Variants in ANKRD30BL observed in about 807,000 individuals in gnomAD.
ANKRD30BL encodes the protein ankyrin repeat domain 30B like.
In ANKRD30BL, 20 loss-of-function variants were observed where a neutral mutation model predicts 18.4. That is an observed-to-expected ratio of 1.09 (90% CI 0.77 to 1.58). ANKRD30BL has a LOEUF of 1.58. Among genes scored for constraint, ANKRD30BL ranks in the 40% most tolerant of loss-of-function variants. The probability of loss-of-function intolerance (pLI) is 0.00; values close to 1 mark genes in which losing one functional copy is unlikely to be tolerated. For missense variants in ANKRD30BL, 224 were observed against 268.6 expected, an observed-to-expected ratio of 0.83 and a Z score of 1.16; for synonymous variants, 72 against 100.9, an observed-to-expected ratio of 0.71 and a Z score of 1.72.
chr2:132,250,559 G>T (rs565868298), intron 1 of ANKRD30BL, among the ~76,000 whole-genome samples: 3 of 152,324 alleles, frequency 2.0e-5, no homozygotes, highest in South Asian at 4.1e-4. Flanking sequence ...AGATGATCTA[G>T]CTCACTTTAT....
At chr2:132,241,756 A>G (rs2104796018) in intron 1 of ANKRD30BL, among the ~76,000 whole-genome samples, 1 of 151,970 alleles carries the variant, frequency 6.6e-6, no homozygotes, top group South Asian at 2.1e-4. Flanking sequence ...ACAGAGTTGA[A>G]TTTTTCTTTT....
chr2:132,254,550 A>T (rs1680768355), intron 1 of ANKRD30BL, among the ~76,000 whole-genome samples: 1 of 152,176 alleles, frequency 6.6e-6, no homozygotes, highest in Non-Finnish European at 1.5e-5. Flanking sequence ...CAAGCTTATG[A>T]CCAGCACTTA....
chr2:132,188,641 T>G (rs1573826102), intron 1 of ANKRD30BL, among the ~76,000 whole-genome samples: 1 of 151,650 alleles, frequency 6.6e-6, no homozygotes, highest in African/African-American at 2.4e-5. Flanking sequence ...ACCCGGGAGG[T>G]GGAGCTTGTA....
intron 1 of ANKRD30BL, among the ~76,000 whole-genome samples, chr2:132,220,496 T>G (rs1316875192): frequency 6.6e-6 from 1 of 151,954 alleles, no homozygotes; most frequent in African/African-American, 2.4e-5. Flanking sequence ...GCCGAGTGCC[T>G]GTGATTGCAG....
At chr2:132,244,959 C>A (rs879214191) in intron 1 of ANKRD30BL, among the ~76,000 whole-genome samples, 2 of 152,286 alleles carry the variant, frequency 1.3e-5, no homozygotes, top group East Asian at 1.9e-4. Flanking sequence ...GAAGCATTCT[C>A]AGAAACTTCT....
intron 1 of ANKRD30BL, among the ~76,000 whole-genome samples, chr2:132,254,335 G>A (rs1053803780): frequency 1.8e-4 from 28 of 152,154 alleles, no homozygotes; most frequent in Admixed American, 3.9e-4. Context: ...CCGTGGCTTC[G>A]CTCTTCTCTG....
chr2:132,236,440 C>T (rs906430373), intron 1 of ANKRD30BL, among the ~76,000 whole-genome samples: 6 of 152,018 alleles, frequency 3.9e-5, no homozygotes, highest in Non-Finnish European at 7.4e-5. Flanking sequence ...AAAAAACAAA[C>T]AACCCCATCA....
At chr2:132,236,356 C>G (rs1331076283) in intron 1 of ANKRD30BL, among the ~76,000 whole-genome samples, 1 of 151,236 alleles carries the variant, frequency 6.6e-6, no homozygotes. Flanking sequence ...AATGGGAGAA[C>G]ATTTTTGCAA....
At chr2:132,198,323 T>TCTTTCTTTCTTTCTTTCTTTC (rs1679015443) in intron 1 of ANKRD30BL, among the ~76,000 whole-genome samples, 1 of 8,084 alleles carries the variant, frequency 1.2e-4, no homozygotes, top group Non-Finnish European at 4.0e-4. Flanking sequence ...TTTCTTTCTT[T>TCTTTCTTTCTTTCTTTCTTTC]CTTTTTTTTT....
intron 1 of ANKRD30BL, among the ~76,000 whole-genome samples, chr2:132,206,727 A>G (rs1434733377): frequency 6.6e-6 from 1 of 152,228 alleles, no homozygotes; most frequent in Non-Finnish European, 1.5e-5. Context: ...ATCTGCTGTG[A>G]CAAAGTGGTT....
chr2:132,235,027 T>G (rs1044197600), intron 1 of ANKRD30BL, among the ~76,000 whole-genome samples: 1 of 152,134 alleles, frequency 6.6e-6, no homozygotes, highest in African/African-American at 2.4e-5. Context: ...CAAGGCTGGT[T>G]CAATATACGC....
intron 1 of ANKRD30BL, among the ~76,000 whole-genome samples, chr2:132,252,687 T>C (rs1364618492): frequency 1.3e-5 from 2 of 151,368 alleles, no homozygotes; most frequent in Admixed American, 6.6e-5. Flanking sequence ...TCCCCCACCC[T>C]CTCCCCGGTG....
rs903300183 is a variant in ANKRD30BL at position 132,242,428 on chromosome 2, G to A, written n.441+15101C>T. ...ACATCTCTATGATGTTTGCATTCAA[G>A]TCACAGAGTTGAACATTCCCTTTCA... is the stretch of plus-strand genomic sequence containing the variant. On this transcript the variant is annotated intron_variant and non_coding_transcript_variant, in intron 1 of 4. Transcript: ENST00000470729. 2.0e-5 allele frequency among the ~76,000 whole-genome samples: 3 copies of A among 151,470 alleles called. No homozygotes were observed. In the Admixed American group the frequency reaches 2.0e-4, roughly 10 times the overall value.
At chr2:132,253,958 G>C (rs1207119061) in intron 1 of ANKRD30BL, among the ~76,000 whole-genome samples, 1 of 151,980 alleles carries the variant, frequency 6.6e-6, no homozygotes, top group South Asian at 2.1e-4. Flanking sequence ...GCCCCAAAGG[G>C]AGTGGGCAGG....
At chr2:132,241,336 G>A (rs1442875038) in intron 1 of ANKRD30BL, among the ~76,000 whole-genome samples, 1 of 151,508 alleles carries the variant, frequency 6.6e-6, no homozygotes, top group Non-Finnish European at 1.5e-5. Flanking sequence ...TGTTGGAAAC[G>A]GGTATATCTT....
chr2:132,234,209 C>A (rs1680092976), intron 1 of ANKRD30BL, among the ~76,000 whole-genome samples: 1 of 152,086 alleles, frequency 6.6e-6, no homozygotes, highest in Non-Finnish European at 1.5e-5. Flanking sequence ...AAATTTATAG[C>A]ACTAAATGCC....
upstream of ANKRD30BL, among the ~76,000 whole-genome samples, chr2:132,162,312 G>A (rs113850491): frequency 5.0e-3 from 769 of 152,342 alleles, 3 homozygotes; most frequent in Non-Finnish European, 8.5e-3. Flanking sequence ...GGCGCTGGCA[G>A]GGTCAGGGTT....
chr2:132,177,151 C>T (rs1688379302), intron 1 of ANKRD30BL, among the ~76,000 whole-genome samples: 1 of 150,548 alleles, frequency 6.6e-6, no homozygotes, highest in Admixed American at 6.6e-5. Flanking sequence ...CCAGATGTGC[C>T]TATTTTTTTT....
chr2:132,247,682 GT>G (rs1680541251), intron 1 of ANKRD30BL, among the ~76,000 whole-genome samples: 1 of 150,196 alleles, frequency 6.7e-6, no homozygotes, highest in African/African-American at 2.5e-5. Context: ...CAAAAGAAAA[GT>G]TCTACTCTGT....
Sources: gnomAD v4.1 joint callset for allele counts (sites outside exome capture counted in the v4.1 genomes callset) on GRCh38, gnomAD v4.1.1 for gene constraint, MANE v1.5 for transcripts, NCBI Gene and HGNC (gene_info 2026-07-23, HGNC 2026-07-21) for gene names.